Variants in ERICH6B observed in about 807,000 individuals in gnomAD.
ERICH6B encodes the protein glutamate-rich protein 6B.
In ERICH6B, 69 loss-of-function variants were observed where a neutral mutation model predicts 80.0. The ratio of observed to expected loss-of-function variants is 0.86; its 90% confidence interval spans 0.71 to 1.05. The LOEUF (loss-of-function observed/expected upper bound fraction) is 1.05, where lower values mean the gene tolerates loss of function less well. Among genes scored for constraint, ERICH6B ranks in the 50% least tolerant of loss-of-function variants. The probability of loss-of-function intolerance (pLI) is 0.00; values close to 1 mark genes in which losing one functional copy is unlikely to be tolerated. For missense variants in ERICH6B, 754 were observed against 796.1 expected, an observed-to-expected ratio of 0.95 and a Z score of 0.64; for synonymous variants, 283 against 291.9, an observed-to-expected ratio of 0.97 and a Z score of 0.31.
chr13:45,596,538 A>G lies in ERICH6B; in HGVS notation c.468T>C (p.Asp156=), dbSNP rs1000888705. ...LEKEDYIEEV[D]YLGKKAYLEE... ...CCAGATACGCTTTCTTCCCCAGATA[A>G]TCTACCTCCTCAATATAATCTTCCT... Residue 156 remains aspartate (D), a synonymous_variant, in exon 3 of 15, where the codon GAT becomes GAC. Coordinates refer to ENST00000298738, the MANE Select transcript of ERICH6B (RefSeq NM_182542.3). 7.1e-6 allele frequency: 11 copies of G among 1,547,014 alleles called. No individual in the cohort carries two copies. In the African/African-American group the frequency reaches 1.5e-4, roughly 22 times the overall value.
At chr13:45,582,299 C>T (rs890856195) in intron 5 of ERICH6B, among the ~76,000 whole-genome samples, 4 of 152,188 alleles carry the variant, frequency 2.6e-5, no homozygotes, top group African/African-American at 9.7e-5. Context: ...CTCTACATAA[C>T]CTTTCAGTTG....
intron 1 of ERICH6B, among the ~76,000 whole-genome samples, chr13:45,612,680 TC>T (rs1297261938): frequency 3.9e-5 from 6 of 152,164 alleles, no homozygotes; most frequent in Admixed American, 2.6e-4. Context: ...GGGCTCTTCC[TC>T]CCGCTGCTGA....
chr13:45,603,600 T>C (rs370894959), intron 2 of ERICH6B, among the ~76,000 whole-genome samples: 95 of 152,254 alleles, frequency 6.2e-4, no homozygotes, highest in African/African-American at 2.2e-3. Flanking sequence ...GGTTAAGGCC[T>C]TTACTCTCCC....
intron 2 of ERICH6B, 148 bp from the exon 3 acceptor site, chr13:45,597,211 GCA>G: frequency 1.8e-6 from 1 of 560,408 alleles, no homozygotes; most frequent in Non-Finnish European, 3.0e-6. Flanking sequence ...AGTGAAAAAG[GCA>G]CAAGAAGAGG....
intron 5 of ERICH6B, among the ~76,000 whole-genome samples, chr13:45,584,591 G>T (rs1314864138): frequency 2.0e-5 from 3 of 152,210 alleles, no homozygotes; most frequent in Admixed American, 2.0e-4. Flanking sequence ...GGTTAAGAAT[G>T]CAGATTCCAG....
intron 5 of ERICH6B, among the ~76,000 whole-genome samples, chr13:45,584,022 G>GT (rs912028564): frequency 3.3e-5 from 5 of 152,164 alleles, no homozygotes; most frequent in African/African-American, 4.8e-5. Flanking sequence ...ACGAAGACTG[G>GT]TTTTTTGTAG....
chr13:45,547,387 T>C (rs1481886414), intron 13 of ERICH6B, among the ~76,000 whole-genome samples: 2 of 152,058 alleles, frequency 1.3e-5, no homozygotes, highest in Non-Finnish European at 2.9e-5. Context: ...AATTTTAAGG[T>C]GGTCTGGAGG....
At chr13:45,590,737 A>G (rs1313711097) in intron 3 of ERICH6B, 40 bp from the exon 4 acceptor site, 4 of 1,517,948 alleles carry the variant, frequency 2.6e-6, no homozygotes, top group Non-Finnish European at 3.6e-6. Flanking sequence ...TTGGCAAAAA[A>G]GCATCTTTCT....
intron 11 of ERICH6B, among the ~76,000 whole-genome samples, chr13:45,556,085 G>A (rs1874424618): frequency 6.6e-6 from 1 of 151,298 alleles, no homozygotes; most frequent in Non-Finnish European, 1.5e-5. Flanking sequence ...AGGCATGAGA[G>A]CATCTTCTCT....
At chr13:45,583,655 G>A (rs2138005192) in intron 5 of ERICH6B, among the ~76,000 whole-genome samples, 1 of 152,246 alleles carries the variant, frequency 6.6e-6, no homozygotes, top group African/African-American at 2.4e-5. Flanking sequence ...GAATCATGGG[G>A]GCGGTTTCCC....
chr13:45,556,315 A>C (rs1307925324), intron 11 of ERICH6B, among the ~76,000 whole-genome samples: 1 of 152,174 alleles, frequency 6.6e-6, no homozygotes, highest in Admixed American at 6.5e-5. Flanking sequence ...TACTGAAGAC[A>C]TGAAGACTAT....
chr13:45,546,180 C>T (rs995471484), intron 13 of ERICH6B, among the ~76,000 whole-genome samples: 1 of 152,114 alleles, frequency 6.6e-6, no homozygotes. Flanking sequence ...CATTCCTGAC[C>T]CTATTCTGTG....
At chr13:45,614,848 T>C (rs957521494) in intron 1 of ERICH6B, among the ~76,000 whole-genome samples, 1 of 152,266 alleles carries the variant, frequency 6.6e-6, no homozygotes, top group Non-Finnish European at 1.5e-5. Context: ...GGGGAACAAC[T>C]GATGACCTAC....
chr13:45,591,397 C>A lies in ERICH6B; in HGVS notation c.638-700G>T, dbSNP rs7999284. On this transcript the variant is annotated intron_variant, in intron 3 of 14. Coordinates refer to ENST00000298738, the MANE Select transcript of ERICH6B (RefSeq NM_182542.3). Reference sequence around the variant, plus strand: ...GGATCACAAGGTCAGGAGATCGAGACCATCCTGGCTAATGTGGTGAAACGC... The same window carrying A: ...GGATCACAAGGTCAGGAGATCGAGAACATCCTGGCTAATGTGGTGAAACGC... 6.2e-3 allele frequency among the ~76,000 whole-genome samples: 945 copies of A among 152,176 alleles called. 9 individuals carry two copies. Among genetic ancestry groups the A allele is most frequent in the African/African-American group, 0.022 (898 of 41,528 alleles).
chr13:45,558,363 A>G (rs376193223), intron 11 of ERICH6B, among the ~76,000 whole-genome samples: 2 of 152,160 alleles, frequency 1.3e-5, no homozygotes, highest in Admixed American at 1.3e-4. Context: ...TTCTAGGCAT[A>G]CAATCGTATC....
intron 11 of ERICH6B, among the ~76,000 whole-genome samples, chr13:45,556,579 G>C (rs374772570): frequency 4.6e-5 from 7 of 152,186 alleles, no homozygotes; most frequent in South Asian, 4.2e-4. Flanking sequence ...AATCCCCAAA[G>C]TCTATTGTGT....
chr13:45,605,969 T>C (rs1037714617), intron 2 of ERICH6B, among the ~76,000 whole-genome samples: 1 of 152,234 alleles, frequency 6.6e-6, no homozygotes, highest in Admixed American at 6.5e-5. Flanking sequence ...AGCTATGTAG[T>C]GCCATATTTG....
intron 11 of ERICH6B, chr13:45,553,175 A>T: frequency 4.1e-6 from 1 of 245,826 alleles, no homozygotes; most frequent in Middle Eastern, 9.0e-4. Context: ...TTTTTGACAC[A>T]TGAGTTTCCT....
Position 45,571,061 on chromosome 13 carries a change from G to A in ERICH6B, c.1051-2610C>T, listed in dbSNP as rs115330948. On this transcript the variant is annotated intron_variant, in intron 8 of 14. Transcript: ENST00000298738. ...GCTGCCTACCATGTTGCTTGGAGAC[G>A]TGCTGCTTTGCCAAGCTGCATCACT... 7.3e-3 allele frequency among the ~76,000 whole-genome samples: 1,104 copies of A among 152,190 alleles called. 14 individuals are homozygous for A. The highest frequency in any genetic ancestry group is 0.025 in the African/African-American group (1,025 of 41,470).
Sources: gnomAD v4.1 joint callset for allele counts (sites outside exome capture counted in the v4.1 genomes callset) on GRCh38, gnomAD v4.1.1 for gene constraint, MANE v1.5 for transcripts, NCBI Gene and HGNC (gene_info 2026-07-23, HGNC 2026-07-21) for gene names.